The following THTPA variants were observed in gnomAD, a reference collection of about 807,000 sequenced individuals.
THTPA encodes thiamine triphosphatase, also known as thiamine-triphosphatase.
A neutral mutation model predicts 16.5 loss-of-function variants in THTPA; 16 were observed. That is an observed-to-expected ratio of 0.97 (90% confidence interval 0.66 to 1.47). THTPA has a LOEUF of 1.47. Ranked by LOEUF, THTPA falls within the 40% of genes most tolerant of loss-of-function variation. The pLI, the probability that THTPA is intolerant of heterozygous loss-of-function variation, is 0.00. For synonymous variants in THTPA, 110 were observed against 115.5 expected, an observed-to-expected ratio of 0.95 and a Z score of 0.30; for missense variants, 281 against 280.9, an observed-to-expected ratio of 1.00 and a Z score of 0.00.
chr14:23,520,316 G>A, the THTPA span, among the ~76,000 whole-genome samples: 15 of 152,006 alleles, frequency 9.9e-5, no homozygotes, highest in African/African-American at 3.4e-4. This position sits in a 1 kb window ranked among gnomAD's most constrained non-coding sequence, Gnocchi z 8.7. Context: ...GGAGGGAGCA[G>A]GAGCAAGGGC....
the THTPA span, chr14:23,529,584 T>C: frequency 1.0e-6 from 1 of 998,632 alleles, no homozygotes; most frequent in South Asian, 1.4e-5. Flanking sequence ...GTGGAATTTC[T>C]TAACTGTGCT....
At chr14:23,523,258 T>A in the THTPA span, 2 of 1,436,088 alleles carry the variant, frequency 1.4e-6, no homozygotes, top group African/African-American at 1.4e-5. This position sits in a 1 kb window ranked among gnomAD's most constrained non-coding sequence, Gnocchi z 4.1. Context: ...CTGGGCCAGA[T>A]AAGAGGACCG....
the THTPA span, among the ~76,000 whole-genome samples, chr14:23,540,930 G>C: frequency 6.6e-6 from 1 of 151,002 alleles, no homozygotes; most frequent in African/African-American, 2.4e-5. Context: ...TTTTGAGACA[G>C]AGTCTCGCTC....
chr14:23,556,751 A>T lies in THTPA; in HGVS notation c.-7A>T. The T allele has an allele frequency of 6.2e-7, 1 of 1,610,626 alleles. No individual in the cohort carries two copies. The highest frequency in any genetic ancestry group is 8.5e-7 in the Non-Finnish European group (1 of 1,178,254). On this transcript the variant is annotated 5_prime_UTR_variant, in exon 1 of 2. Coordinates refer to ENST00000288014, the MANE Select transcript of THTPA (RefSeq NM_024328.6). Reference sequence around the variant, plus strand: ...AGCAAACGTTTGTTCAGCCAATTGCAGGTAGCATGGCCCAGGGCTTGATTG... The same window carrying T: ...AGCAAACGTTTGTTCAGCCAATTGCTGGTAGCATGGCCCAGGGCTTGATTG...
chr14:23,542,521 T>G, the THTPA span, among the ~76,000 whole-genome samples: 1 of 152,112 alleles, frequency 6.6e-6, no homozygotes, highest in Non-Finnish European at 1.5e-5. Flanking sequence ...GCTGCACAGA[T>G]CTATGTGATT....
the THTPA span, among the ~76,000 whole-genome samples, chr14:23,547,477 C>T: frequency 2.0e-5 from 3 of 152,090 alleles, no homozygotes; most frequent in South Asian, 2.1e-4. Flanking sequence ...TTCTGGAAAC[C>T]GCCTCCTTTC....
At chr14:23,552,281 C>T (rs1882027681), upstream of THTPA, among the ~76,000 whole-genome samples, 1 of 151,026 alleles carries the variant, frequency 6.6e-6, no homozygotes, top group African/African-American at 2.4e-5. Flanking sequence ...TTATTAAGTG[C>T]TCCTGAATTT....
chr14:23,529,848 A>T, the THTPA span: 1 of 1,405,690 alleles, frequency 7.1e-7, no homozygotes, highest in Non-Finnish European at 9.7e-7. Flanking sequence ...CAGGGTAGGG[A>T]GTTGGGCACT....
the THTPA span, among the ~76,000 whole-genome samples, chr14:23,516,442 G>T: frequency 6.6e-6 from 1 of 152,184 alleles, no homozygotes. Flanking sequence ...TGAATCCAGC[G>T]AATGTAACTT....
chr14:23,538,522 C>T, the THTPA span, among the ~76,000 whole-genome samples: 5 of 152,054 alleles, frequency 3.3e-5, no homozygotes, highest in African/African-American at 1.2e-4. Context: ...AGTGCAGAAA[C>T]GGACAGGCCT....
the THTPA span, among the ~76,000 whole-genome samples, chr14:23,540,371 T>A: frequency 2.6e-4 from 40 of 152,308 alleles, no homozygotes; most frequent in African/African-American, 7.9e-4. Context: ...GACCTTTTTT[T>A]AAAAATTCCT....
the THTPA span, chr14:23,533,639 G>T: frequency 6.5e-7 from 1 of 1,536,984 alleles, no homozygotes; most frequent in East Asian, 2.4e-5. The surrounding 1 kb of genome is among the most constrained non-coding windows in gnomAD (Gnocchi z 4.8). Flanking sequence ...TTGGTCTTAG[G>T]CTCTTTGTCT....
the THTPA span, chr14:23,530,753 G>A: frequency 1.1e-4 from 32 of 278,936 alleles, no homozygotes; most frequent in Middle Eastern, 1.3e-3. Flanking sequence ...GGGCCCCTCC[G>A]GCACTTAACT....
chr14:23,545,931 C>G, the THTPA span, among the ~76,000 whole-genome samples: 13 of 152,364 alleles, frequency 8.5e-5, 1 homozygote, highest in South Asian at 2.7e-3. Context: ...ATCTAACACT[C>G]TTGGCCCACC....
chr14:23,550,388 C>T, the THTPA span, among the ~76,000 whole-genome samples: 1 of 152,214 alleles, frequency 6.6e-6, no homozygotes, highest in South Asian at 2.1e-4. Flanking sequence ...CAGACAGACT[C>T]TGAAGGAGAG....
the THTPA span, chr14:23,525,596 A>C: frequency 5.2e-6 from 8 of 1,535,496 alleles, no homozygotes; most frequent in Non-Finnish European, 7.0e-6. This position sits in a 1 kb window ranked among gnomAD's most constrained non-coding sequence, Gnocchi z 5.9. Flanking sequence ...CACCAGCTCA[A>C]AGCCAAAGTT....
intron 1 of THTPA, among the ~76,000 whole-genome samples, chr14:23,557,623 C>G (rs912978982): frequency 6.6e-6 from 1 of 152,200 alleles, no homozygotes. Context: ...TTAACAGTAG[C>G]TAATTTGGAT....
chr14:23,549,268 C>G, the THTPA span, among the ~76,000 whole-genome samples: 1,033 of 152,266 alleles, frequency 6.8e-3, 8 homozygotes, highest in Non-Finnish European at 0.012. Context: ...CTTTGCACAT[C>G]CCTCACGTCA....
the THTPA span, chr14:23,525,535 G>A: frequency 1.3e-5 from 20 of 1,535,460 alleles, no homozygotes; most frequent in Non-Finnish European, 1.7e-5. This position sits in a 1 kb window ranked among gnomAD's most constrained non-coding sequence, Gnocchi z 5.9. Context: ...CCTCAGGTGG[G>A]GGTGGGGTAG....
Sources: gnomAD v4.1 joint callset for allele counts (sites outside exome capture counted in the v4.1 genomes callset) on GRCh38, gnomAD v4.1.1 for gene constraint, Gnocchi (gnomAD v3.1) non-coding constraint, MANE v1.5 for transcripts, NCBI Gene and HGNC (gene_info 2026-07-23, HGNC 2026-07-21) for gene names.